BRD10: variants seen among roughly 807,000 people sequenced by gnomAD.
BRD10 encodes uncharacterized bromodomain-containing protein 10.
At chr9:5,976,346 C>T in the BRD10 span, among the ~76,000 whole-genome samples, 1 of 152,096 alleles carries the variant, frequency 6.6e-6, no homozygotes, top group Non-Finnish European at 1.5e-5. Flanking sequence ...GAATATTTTT[C>T]TTCAATGTAC....
At chr9:5,890,025 T>C in the BRD10 span, among the ~76,000 whole-genome samples, 2 of 152,154 alleles carry the variant, frequency 1.3e-5, no homozygotes, top group Non-Finnish European at 1.5e-5. Context: ...GATTTTTCTA[T>C]TTCCTTTTCT....
At chr9:5,996,275 C>T in the BRD10 span, among the ~76,000 whole-genome samples, 1 of 151,296 alleles carries the variant, frequency 6.6e-6, no homozygotes, top group Admixed American at 6.6e-5. Flanking sequence ...TGACATAACG[C>T]CCCAAAGAAC....
chr9:5,912,531 C>A, the BRD10 span, among the ~76,000 whole-genome samples: 1 of 152,150 alleles, frequency 6.6e-6, no homozygotes, highest in African/African-American at 2.4e-5. Context: ...AAATCCAGGG[C>A]TGTTACTTTA....
At chr9:5,893,928 C>T in the BRD10 span, among the ~76,000 whole-genome samples, 1 of 136,016 alleles carries the variant, frequency 7.4e-6, no homozygotes, top group African/African-American at 2.7e-5. Flanking sequence ...CCGTGGCACC[C>T]ACCCTGGTGG....
chr9:5,918,535 T>C, the BRD10 span, among the ~76,000 whole-genome samples: 3 of 152,016 alleles, frequency 2.0e-5, no homozygotes, highest in East Asian at 3.9e-4. Flanking sequence ...AGCAACATGG[T>C]GAAACCATCT....
the BRD10 span, among the ~76,000 whole-genome samples, chr9:5,959,073 C>T: frequency 6.6e-6 from 1 of 152,186 alleles, no homozygotes; most frequent in Non-Finnish European, 1.5e-5. Flanking sequence ...AACTCCTGAA[C>T]ACCCATTTCT....
the BRD10 span, chr9:5,921,570 C>T: frequency 3.1e-6 from 5 of 1,613,864 alleles, no homozygotes; most frequent in Non-Finnish European, 3.4e-6. Flanking sequence ...GGAGCTGATA[C>T]CAGCATAAGT....
chr9:5,934,769 T>A, the BRD10 span, among the ~76,000 whole-genome samples: 100 of 152,326 alleles, frequency 6.6e-4, no homozygotes, highest in African/African-American at 2.3e-3. Flanking sequence ...CTGACTGAGT[T>A]AGCTGGGCAC....
the BRD10 span, chr9:5,919,061 TGTTGCTAACA>T: frequency 6.6e-6 from 1 of 152,624 alleles, no homozygotes; most frequent in African/African-American, 2.4e-5. Context: ...TCTTCTGCAT[TGTTGCTAACA>T]GTTCACTGGT....
At chr9:5,994,790 T>A in the BRD10 span, among the ~76,000 whole-genome samples, 1 of 152,206 alleles carries the variant, frequency 6.6e-6, no homozygotes. Context: ...TATAATCTGT[T>A]GTCTAACTAT....
the BRD10 span, chr9:5,953,881 A>T: frequency 2.0e-5 from 13 of 635,284 alleles, no homozygotes; most frequent in East Asian, 3.2e-4. Context: ...TTGCAGGGAG[A>T]AAAGTCACTG....
chr9:5,989,293 A>G, the BRD10 span, among the ~76,000 whole-genome samples: 30,988 of 134,442 alleles, frequency 0.23, 4,453 homozygotes, highest in Middle Eastern at 0.33. Flanking sequence ...GGTGGTGAGC[A>G]CCTGTAGATC....
the BRD10 span, chr9:5,890,944 C>T: frequency 1.3e-5 from 2 of 152,130 alleles, no homozygotes; most frequent in African/African-American, 4.8e-5. Flanking sequence ...AAGGTAAGAG[C>T]GTTGCCTTCT....
chr9:5,932,866 T>C, the BRD10 span, among the ~76,000 whole-genome samples: 3 of 152,234 alleles, frequency 2.0e-5, no homozygotes, highest in South Asian at 4.1e-4. Flanking sequence ...TAGGTATCTC[T>C]GTATTATAAG....
the BRD10 span, chr9:5,910,041 T>G: frequency 6.6e-6 from 1 of 152,222 alleles, no homozygotes; most frequent in African/African-American, 2.4e-5. Context: ...GTAATTTTTT[T>G]AACCTAAGAA....
chr9:5,950,760 G>A, the BRD10 span, among the ~76,000 whole-genome samples: 2 of 152,046 alleles, frequency 1.3e-5, no homozygotes, highest in African/African-American at 4.8e-5. Context: ...GAACCCTGCG[G>A]ATACCAAAAT....
chr9:5,988,206 T>C, the BRD10 span: 3 of 631,852 alleles, frequency 4.7e-6, no homozygotes, highest in African/African-American at 3.7e-5. Flanking sequence ...TTTAAACAAA[T>C]TTTATTGCGA....
chr9:5,916,010 C>T, the BRD10 span, among the ~76,000 whole-genome samples: 2 of 152,180 alleles, frequency 1.3e-5, no homozygotes, highest in Admixed American at 1.3e-4. Context: ...ATTTTCTCTC[C>T]AGGTTGTAAG....
At chr9:5,977,881 G>A in the BRD10 span, among the ~76,000 whole-genome samples, 2 of 43,584 alleles carry the variant, frequency 4.6e-5, no homozygotes, top group Admixed American at 2.2e-4. Flanking sequence ...TGCTGGTAAG[G>A]CAGACAAAGC....
Sources: gnomAD v4.1 joint callset for allele counts (sites outside exome capture counted in the v4.1 genomes callset) on GRCh38, gnomAD v4.1.1 for gene constraint, MANE v1.5 for transcripts, NCBI Gene and HGNC (gene_info 2026-07-23, HGNC 2026-07-21) for gene names.